CCDC66: variants seen among roughly 807,000 people sequenced by gnomAD.
The protein encoded by CCDC66 is coiled-coil domain-containing protein 66.
Under a neutral mutation model 128.3 loss-of-function variants are expected in CCDC66, and 133 were observed. The ratio of observed to expected loss-of-function variants is 1.04; its 90% CI spans 0.90 to 1.20. CCDC66 has a LOEUF of 1.20. CCDC66 is among the 50% of genes most tolerant of loss of function. The probability of loss-of-function intolerance (pLI) is 0.00; values close to 1 mark genes in which losing one functional copy is unlikely to be tolerated. For missense variants in CCDC66, 1,126 were observed against 1,075.5 expected (o/e 1.05, Z -0.66); for synonymous variants, 387 against 357.0 (o/e 1.08, Z -0.95).
chr3:56,617,779 G>A lies in CCDC66; in HGVS notation c.2337+174G>A, dbSNP rs972666662. On this transcript the variant is annotated intron_variant, in intron 14 of 17. Transcript: ENST00000394672. ...TGCCTGTTTTTGGAAAGTTTTATAC[G>A]AACATAGTCAACTCATTCTTTTATG... 29 of 689,678 alleles carry A rather than the reference G, an allele frequency of 4.2e-5. No individual in the cohort carries two copies. The South Asian group carries it at 4.6e-4, about 11-fold the overall frequency. The allele number at this position is 689,678 out of a possible 1,614,324, so 42.7% of individuals were successfully genotyped here. A position where few individuals can be genotyped will look rare whatever the true frequency, so the allele number is the denominator to read the frequency against.
chr3:56,565,243 G>T, intron 4 of CCDC66: 1 of 241,294 alleles, frequency 4.1e-6, no homozygotes, highest in Non-Finnish European at 8.8e-6. Flanking sequence ...TTCCCCTTTA[G>T]GTTGTGATTT....
rs1448146244 is a variant in CCDC66, at chr3:56,572,380, G to A, written c.936+1078G>A. The A allele has an allele frequency of 2.3e-6, 3 of 1,289,590 alleles. No homozygotes were observed. The Admixed American group carries it at 6.9e-5, about 30-fold the overall frequency. 79.9% of individuals were successfully genotyped at this position (1,289,590 alleles called of 1,614,324 possible). ...ACAGTCTCGTAGCCAGGTTATGGTG[G>A]TCCAAGCTGATGGGGCATTCACAAC... On this transcript the variant is annotated intron_variant, in intron 7 of 17. Transcript: ENST00000394672.
At position 56,617,473 on chromosome 3, in the gene CCDC66, G is replaced by T; in HGVS notation, c.2205G>T (p.Gln735His). The T allele has an allele frequency of 6.2e-7, 1 of 1,614,046 alleles. No homozygotes were observed. The highest frequency in any genetic ancestry group is 1.1e-5 in the South Asian group (1 of 91,068). ...KQREEKKVRR[Q>H]MELLHLVEKN... Reference sequence around the variant, plus strand: ...GAGAAGAAAAAAAAGTAAGGAGGCAGATGGAATTGCTTCATTTGGTAGAAA... The same window carrying T: ...GAGAAGAAAAAAAAGTAAGGAGGCATATGGAATTGCTTCATTTGGTAGAAA... Residue 735 changes from glutamine to histidine, a missense_variant, in exon 14 of 18, where the codon CAG (glutamine) becomes CAT (histidine). Physicochemically the swap from Gln to His is conservative, Grantham distance 24. Coordinates refer to ENST00000394672, the MANE Select transcript of CCDC66 (RefSeq NM_001141947.3).
Position 56,593,583 on chromosome 3 carries a change from A to G in CCDC66, c.1161A>G (p.Lys387=). ...QSQLFSQSTH[K]QPEYFCVSPD... is the part of the protein sequence containing the mutation. Reference sequence around the variant, plus strand: ...AGCTGTTCTCTCAGTCAACACACAAACAACCTGAGTACTTCTGTGTCTCTC... The same window carrying G: ...AGCTGTTCTCTCAGTCAACACACAAGCAACCTGAGTACTTCTGTGTCTCTC... The change falls in exon 9 of 18, where the codon AAA becomes AAG. Residue 387 remains lysine (K), a synonymous_variant. Transcript: ENST00000394672. 2 of 1,614,200 alleles carry G rather than the reference A, an allele frequency of 1.2e-6. No individual in the cohort carries two copies. Among genetic ancestry groups the G allele is most frequent in the Non-Finnish European group, 1.7e-6 (2 of 1,180,016 alleles).
chr3:56,591,494 T>TA (rs932468466), intron 7 of CCDC66, among the ~76,000 whole-genome samples: 33 of 151,982 alleles, frequency 2.2e-4, no homozygotes, highest in Non-Finnish European at 3.7e-4. Context: ...CTGATAAACT[T>TA]AAAAAAAATT....
chr3:56,566,777 G>C lies in CCDC66; in HGVS notation c.710+18G>C, dbSNP rs1272862121. ...ATTGCCATGTATGTAACTCCTATCTGTTGTTATTGTGTGGTCATCTTCAGA... is the reference window on the plus strand; with the variant it reads ...ATTGCCATGTATGTAACTCCTATCTCTTGTTATTGTGTGGTCATCTTCAGA... On this transcript the variant is annotated intron_variant, in intron 5 of 17. Transcript: ENST00000394672. 6.3e-7 allele frequency: 1 copy of C among 1,598,754 alleles called. No individual in the cohort carries two copies. The highest frequency in any genetic ancestry group is 1.1e-5 in the South Asian group (1 of 88,380).
intron 14 of CCDC66, 75 bp downstream of exon 14, chr3:56,617,680 G>A (rs2075688491): frequency 2.0e-6 from 3 of 1,505,800 alleles, no homozygotes; most frequent in Non-Finnish European, 2.7e-6. Flanking sequence ...GTATGCTTTG[G>A]TAAGGCTGTT....
At chr3:56,576,961 G>T (rs144262824) in intron 7 of CCDC66, among the ~76,000 whole-genome samples, 2 of 151,804 alleles carry the variant, frequency 1.3e-5, no homozygotes, top group South Asian at 4.2e-4. Flanking sequence ...GGGTCAAATA[G>T]TATTTCTAGT....
chr3:56,613,409 C>G (rs1476721254), intron 10 of CCDC66, among the ~76,000 whole-genome samples, 180 bp from the exon 11 acceptor site: 1 of 152,208 alleles, frequency 6.6e-6, no homozygotes, highest in Non-Finnish European at 1.5e-5. Context: ...TTGATGCTTC[C>G]TGTCATGTTG....
At chr3:56,613,067 G>A (rs2075058930) in intron 10 of CCDC66, among the ~76,000 whole-genome samples, 1 of 152,150 alleles carries the variant, frequency 6.6e-6, no homozygotes, top group African/African-American at 2.4e-5. Context: ...TGGAGATGCA[G>A]GGGCTGTTGG....
intron 4 of CCDC66, chr3:56,565,128 T>C (rs1319045987): frequency 4.7e-6 from 2 of 426,658 alleles, no homozygotes; most frequent in East Asian, 7.3e-5. Flanking sequence ...GATTTTGATA[T>C]TATAGCTGGG....
At chr3:56,567,637 C>T (rs987377813) in intron 6 of CCDC66, among the ~76,000 whole-genome samples, 3 of 152,072 alleles carry the variant, frequency 2.0e-5, no homozygotes, top group African/African-American at 7.2e-5. Flanking sequence ...CATGGCAAAA[C>T]AGATTATGGG....
chr3:56,610,857 C>T (rs1008598264), intron 10 of CCDC66, among the ~76,000 whole-genome samples: 10 of 152,174 alleles, frequency 6.6e-5, no homozygotes, highest in Non-Finnish European at 2.9e-5. Context: ...TCCAGCCACC[C>T]AGTGAGTCTA....
intron 7 of CCDC66, among the ~76,000 whole-genome samples, chr3:56,576,184 T>C (rs1049015562): frequency 4.9e-4 from 74 of 151,776 alleles, no homozygotes; most frequent in African/African-American, 1.7e-3. Flanking sequence ...TTTCCATTTA[T>C]TTGTGTCTTT....
At chr3:56,593,830 G>C in intron 9 of CCDC66, 89 bp downstream of exon 9, 7 of 1,580,898 alleles carry the variant, frequency 4.4e-6, no homozygotes, top group Non-Finnish European at 6.1e-6. Flanking sequence ...TTTCAGGTTT[G>C]GTATTTGTCT....
At chr3:56,616,493 A>T (rs998760141) in intron 13 of CCDC66, 2 of 164,642 alleles carry the variant, frequency 1.2e-5, no homozygotes, top group African/African-American at 4.8e-5. Context: ...AGCATGTGTC[A>T]GTACTTCATT....
At chr3:56,593,806 T>A in intron 9 of CCDC66, 65 bp downstream of exon 9, 1 of 1,589,508 alleles carries the variant, frequency 6.3e-7, no homozygotes, top group South Asian at 1.1e-5. Context: ...AAGACTGTTG[T>A]TATGTCTAAT....
chr3:56,588,174 G>A (rs1425109906), intron 7 of CCDC66, among the ~76,000 whole-genome samples: 1 of 152,194 alleles, frequency 6.6e-6, no homozygotes, highest in Middle Eastern at 3.2e-3. Flanking sequence ...GAGTTGGAGA[G>A]TATTATTTTA....
At chr3:56,601,022 C>G (rs1440517086) in intron 10 of CCDC66, among the ~76,000 whole-genome samples, 1 of 151,966 alleles carries the variant, frequency 6.6e-6, no homozygotes, top group African/African-American at 2.4e-5. Flanking sequence ...GTTGCCATTG[C>G]TTTTGGTGTT....
Sources: gnomAD v4.1 joint callset for allele counts (sites outside exome capture counted in the v4.1 genomes callset) on GRCh38, gnomAD v4.1.1 for gene constraint, MANE v1.5 for transcripts, NCBI Gene and HGNC (gene_info 2026-07-23, HGNC 2026-07-21) for gene names.